The following SEMA3D variants were observed in gnomAD, a reference collection of about 807,000 sequenced individuals.
The protein encoded by SEMA3D is semaphorin 3D, also known as semaphorin-3D.
Under a neutral mutation model 100.1 loss-of-function variants are expected in SEMA3D, and 84 were observed. The ratio of observed to expected loss-of-function variants is 0.84; its 90% CI spans 0.70 to 1.01. The LOEUF (loss-of-function observed/expected upper bound fraction) is 1.01. SEMA3D is among the 50% of genes least tolerant of loss of function. SEMA3D has a pLI of 0.00. For synonymous variants in SEMA3D, 312 were observed against 320.7 expected (o/e 0.97, Z 0.29); for missense variants, 875 against 934.1 (o/e 0.94, Z 0.82).
intron 1 of SEMA3D, among the ~76,000 whole-genome samples, chr7:85,185,025 C>T (rs1791502457): frequency 1.3e-5 from 2 of 152,146 alleles, no homozygotes; most frequent in Non-Finnish European, 2.9e-5. Flanking sequence ...ACATGTGTGT[C>T]TTCTTGCTCA....
intron 2 of SEMA3D, among the ~76,000 whole-genome samples, chr7:85,151,082 TA>T (rs1231030025): frequency 7.5e-6 from 1 of 133,652 alleles, no homozygotes; most frequent in Non-Finnish European, 1.6e-5. Context: ...TTACCTACAA[TA>T]AAAAAAATCC....
intron 1 of SEMA3D, among the ~76,000 whole-genome samples, chr7:85,185,870 T>C (rs1464630417): frequency 1.3e-5 from 2 of 152,202 alleles, no homozygotes; most frequent in East Asian, 3.9e-4. Flanking sequence ...ACCGCACTCC[T>C]GGTTAAATGC....
chr7:85,048,044 T>C (rs1243396598), intron 9 of SEMA3D, among the ~76,000 whole-genome samples: 1 of 151,778 alleles, frequency 6.6e-6, no homozygotes, highest in Non-Finnish European at 1.5e-5. Context: ...TACTACAGTA[T>C]TATAAATTAA....
At chr7:85,065,970 A>T (rs1426666540) in intron 7 of SEMA3D, among the ~76,000 whole-genome samples, 8 of 152,200 alleles carry the variant, frequency 5.3e-5, no homozygotes, top group Admixed American at 5.2e-4. Flanking sequence ...GTATTTACTT[A>T]ACTGACACAA....
chr7:85,141,437 A>G, intron 2 of SEMA3D: 1 of 982,724 alleles, frequency 1.0e-6, no homozygotes, highest in Non-Finnish European at 1.2e-6. Flanking sequence ...GCTAATATTT[A>G]AAAAAAAGAT....
upstream of SEMA3D, among the ~76,000 whole-genome samples, chr7:85,191,569 T>A (rs1320020114): frequency 6.6e-6 from 1 of 152,004 alleles, no homozygotes; most frequent in East Asian, 1.9e-4. Flanking sequence ...TAAAGAAAAA[T>A]ATGCCCTCTT....
intron 3 of SEMA3D, among the ~76,000 whole-genome samples, chr7:85,115,053 C>T (rs1789197556): frequency 6.6e-6 from 1 of 152,214 alleles, no homozygotes; most frequent in South Asian, 2.1e-4. Context: ...TTAAAGAGTA[C>T]ATGTAATCTT....
intron 2 of SEMA3D, chr7:85,151,836 A>C (rs1790432476): frequency 1.5e-6 from 1 of 646,062 alleles, no homozygotes; most frequent in Non-Finnish European, 1.9e-6. Context: ...ACTGTCTGTA[A>C]AAAAAAGTTT....
In SEMA3D at chr7:85,045,127, T is replaced by A. The variant is rs540547185; in HGVS notation, c.862-2842A>T. Among the ~76,000 whole-genome samples the A allele has an allele frequency of 2.6e-5, 4 of 152,142 alleles. No individual in the cohort carries two copies. In the South Asian group the frequency reaches 8.3e-4, roughly 32 times the overall value. On this transcript the variant is annotated intron_variant, in intron 9 of 18. Coordinates refer to ENST00000284136, the MANE Select transcript of SEMA3D (RefSeq NM_001384900.1). ...TTTACAATAATAGATGGGACCAAAC[T>A]ACATATGTAGAGATTGGTTCAGGTA... is the stretch of plus-strand genomic sequence containing the variant.
At chr7:85,249,892 A>G in the SEMA3D span, among the ~76,000 whole-genome samples, 1 of 152,216 alleles carries the variant, frequency 6.6e-6, no homozygotes, top group Non-Finnish European at 1.5e-5. Context: ...GAACAGCTCC[A>G]GTCTACAGCT....
intron 18 of SEMA3D, among the ~76,000 whole-genome samples, chr7:85,006,093 C>T (rs1201455855): frequency 6.6e-6 from 1 of 151,996 alleles, no homozygotes; most frequent in Admixed American, 6.6e-5. Context: ...AAAATACCCT[C>T]ACTAATAGGG....
At chr7:85,119,641 GA>G (rs1422344745) in intron 3 of SEMA3D, among the ~76,000 whole-genome samples, 1 of 152,126 alleles carries the variant, frequency 6.6e-6, no homozygotes, top group Non-Finnish European at 1.5e-5. Flanking sequence ...AGAGGATCAG[GA>G]AAAATAACTA....
At chr7:85,051,632 A>G (rs1351722467) in intron 9 of SEMA3D, among the ~76,000 whole-genome samples, 1 of 151,882 alleles carries the variant, frequency 6.6e-6, no homozygotes, top group Admixed American at 6.6e-5. Flanking sequence ...CTGATTTTCA[A>G]ATTTATGAGT....
chr7:85,099,550 A>G (rs2116321614), intron 3 of SEMA3D, among the ~76,000 whole-genome samples: 1 of 152,070 alleles, frequency 6.6e-6, no homozygotes, highest in South Asian at 2.1e-4. Context: ...AGTAAATATT[A>G]TACTAAGGAG....
chr7:85,249,435 AT>A, the SEMA3D span, among the ~76,000 whole-genome samples: 1 of 152,222 alleles, frequency 6.6e-6, no homozygotes. Context: ...GAAAATCTGG[AT>A]AAAGAATGGG....
intron 12 of SEMA3D, among the ~76,000 whole-genome samples, chr7:85,027,389 G>A (rs889484699): frequency 2.0e-5 from 3 of 151,986 alleles, no homozygotes; most frequent in Non-Finnish European, 4.4e-5. Context: ...GCAAAGAGAG[G>A]AAATTTTTAG....
At chr7:85,207,447 G>A in the SEMA3D span, among the ~76,000 whole-genome samples, 2 of 152,034 alleles carry the variant, frequency 1.3e-5, no homozygotes, top group Admixed American at 6.6e-5. Context: ...CCAAAAACCA[G>A]CTGTAGAAGA....
intron 4 of SEMA3D, among the ~76,000 whole-genome samples, chr7:85,094,024 T>TG (rs1279485706): frequency 6.6e-6 from 1 of 151,916 alleles, no homozygotes; most frequent in Non-Finnish European, 1.5e-5. Flanking sequence ...AGCAGTGAAA[T>TG]GAGCAAGAAA....
chr7:85,007,038 T>A (rs766920307), intron 17 of SEMA3D, 97 bp from the exon 18 acceptor site: 13 of 797,780 alleles, frequency 1.6e-5, no homozygotes, highest in Non-Finnish European at 2.5e-5. Context: ...GGGGAAAGAA[T>A]CATATACATT....
Sources: gnomAD v4.1 joint callset for allele counts (sites outside exome capture counted in the v4.1 genomes callset) on GRCh38, gnomAD v4.1.1 for gene constraint, MANE v1.5 for transcripts, NCBI Gene and HGNC (gene_info 2026-07-23, HGNC 2026-07-21) for gene names.